Variants in CDH6 observed in about 807,000 individuals in gnomAD.
CDH6 encodes cadherin 6, also known as cadherin-6.
Under a neutral mutation model 78.0 loss-of-function variants are expected in CDH6, and 31 were observed. That is an observed-to-expected ratio of 0.40 (90% CI 0.30 to 0.54). The LOEUF is 0.54. CDH6 is among the 20% of genes least tolerant of loss of function. CDH6 has a pLI of 0.56. For missense variants in CDH6, 724 were observed against 975.9 expected (o/e 0.74, Z 3.44); for synonymous variants, 376 against 368.8 (o/e 1.02, Z -0.23).
At chr5:31,205,895 T>A (rs908398060) in intron 1 of CDH6, among the ~76,000 whole-genome samples, 1 of 152,210 alleles carries the variant, frequency 6.6e-6, no homozygotes, top group Non-Finnish European at 1.5e-5. Context: ...ATTCTAAATA[T>A]CTTACATGAG....
At chr5:31,296,213 T>G (rs1318875464) in intron 3 of CDH6, among the ~76,000 whole-genome samples, 1 of 152,198 alleles carries the variant, frequency 6.6e-6, no homozygotes, top group Non-Finnish European at 1.5e-5. Context: ...AGCAGTATGC[T>G]TACTGGTTAT....
intron 1 of CDH6, among the ~76,000 whole-genome samples, chr5:31,227,793 G>A (rs552081593): frequency 6.6e-6 from 1 of 152,164 alleles, no homozygotes; most frequent in Non-Finnish European, 1.5e-5. Flanking sequence ...ACCTCCTGAG[G>A]GAACGGACCC....
In CDH6 at chr5:31,286,603, C is replaced by T. The variant is rs564178429; in HGVS notation, c.229-7359C>T. ...AGCCAAAGAGAGGAGGAGCAGAGGC[C>T]GTGCCGGGCTTTGGAGGCCATGCGA... is the stretch of plus-strand genomic sequence containing the variant. On this transcript the variant is annotated intron_variant, in intron 2 of 11. Transcript: ENST00000265071. Among the ~76,000 whole-genome samples, 34 of 152,206 alleles carry T rather than the reference C, an allele frequency of 2.2e-4. 1 individual carries two copies. In the South Asian group the frequency reaches 4.8e-3, roughly 21 times the overall value.
chr5:31,194,601 A>G (rs1044228355), intron 1 of CDH6, among the ~76,000 whole-genome samples: 2 of 152,172 alleles, frequency 1.3e-5, no homozygotes, highest in African/African-American at 4.8e-5. Context: ...AAAATGGAGC[A>G]CACTGTCCAG....
intron 5 of CDH6, among the ~76,000 whole-genome samples, chr5:31,300,956 A>G (rs1332473558): frequency 6.6e-6 from 1 of 151,760 alleles, no homozygotes; most frequent in East Asian, 1.9e-4. Context: ...CCCTGTGTCT[A>G]CAACAAGTAA....
At chr5:31,238,443 A>C (rs909953881) in intron 1 of CDH6, among the ~76,000 whole-genome samples, 1 of 152,180 alleles carries the variant, frequency 6.6e-6, no homozygotes, top group African/African-American at 2.4e-5. Context: ...TCTACTTTCC[A>C]TGGAGCTATC....
intron 2 of CDH6, among the ~76,000 whole-genome samples, chr5:31,267,942 G>C (rs139937180): frequency 1.3e-5 from 2 of 152,030 alleles, no homozygotes; most frequent in African/African-American, 4.8e-5. Flanking sequence ...ACAACCATCC[G>C]CATAGGATTA....
At chr5:31,321,232 G>A (rs923492509) in intron 11 of CDH6, among the ~76,000 whole-genome samples, 7 of 133,484 alleles carry the variant, frequency 5.2e-5, no homozygotes, top group East Asian at 2.5e-4. Context: ...TATCAAATGC[G>A]TGAATGAATA....
chr5:31,236,867 T>C (rs1561036232), intron 1 of CDH6, among the ~76,000 whole-genome samples: 1 of 152,160 alleles, frequency 6.6e-6, no homozygotes, highest in Admixed American at 6.5e-5. Flanking sequence ...CTGTCTTTCA[T>C]CACAATTACT....
chr5:31,236,862 T>C (rs1396928777), intron 1 of CDH6, among the ~76,000 whole-genome samples: 2 of 152,172 alleles, frequency 1.3e-5, no homozygotes, highest in Non-Finnish European at 1.5e-5. Context: ...TCTAACTGTC[T>C]TTCATCACAA....
At chr5:31,311,532 A>C (rs747199061) in intron 7 of CDH6, among the ~76,000 whole-genome samples, 10 of 152,198 alleles carry the variant, frequency 6.6e-5, no homozygotes, top group Non-Finnish European at 1.0e-4. Context: ...TCTTTATAGC[A>C]GTCCCCCACT....
Position 31,323,214 on chromosome 5 carries a change from C to T in CDH6, c.2279C>T (p.Ala760Val). 1 of 1,614,168 alleles carries T rather than the reference C, an allele frequency of 6.2e-7. No homozygotes were observed. The highest frequency in any genetic ancestry group is 8.5e-7 in the Non-Finnish European group (1 of 1,180,012). Residue 760 changes from alanine (A) to valine (V), a missense_variant, in exon 12 of 12, where the codon GCA becomes GTA. Around this residue, in one of 3 missense-constraint regions of CDH6, gnomAD observed 220 missense variants for 240.6 expected, o/e 0.91. Transcript: ENST00000265071. ...LSSLESVTTD[A>V]DQDYDYLSDW... ...TCGCTGGAGTCAGTGACCACGGATG[C>T]AGATCAAGACTATGATTACCTTAGT...
intron 7 of CDH6, among the ~76,000 whole-genome samples, chr5:31,308,699 A>G (rs1738063618): frequency 6.6e-6 from 1 of 152,132 alleles, no homozygotes; most frequent in Non-Finnish European, 1.5e-5. Flanking sequence ...CCTATTTCCT[A>G]AATAGTTACT....
At position 31,294,284 on chromosome 5, in the gene CDH6, G is replaced by C; in HGVS notation, c.523+28G>C. 1 of 1,591,442 alleles carries C rather than the reference G, an allele frequency of 6.3e-7. No homozygotes were observed. Among genetic ancestry groups the C allele is most frequent in the Non-Finnish European group, 8.6e-7 (1 of 1,168,364 alleles). On this transcript the variant is annotated intron_variant, in intron 3 of 11. Transcript: ENST00000265071. The surrounding 1 kb of genome is among the most constrained non-coding windows in gnomAD (Gnocchi z 4.1). Reference sequence around the variant, plus strand: ...GAGTGAGACGTGACTTCAGCCAAAAGCTGGCTTTCCCCTAGTGCATCCACT... The same window carrying C: ...GAGTGAGACGTGACTTCAGCCAAAACCTGGCTTTCCCCTAGTGCATCCACT...
At chr5:31,292,848 TGTGC>T (rs1349358046) in intron 2 of CDH6, among the ~76,000 whole-genome samples, 2 of 14,220 alleles carry the variant, frequency 1.4e-4, no homozygotes, top group African/African-American at 2.0e-3. Flanking sequence ...TATATATATG[TGTGC>T]ATATATATAT....
chr5:31,243,781 T>C (rs1320147862), intron 1 of CDH6, among the ~76,000 whole-genome samples: 1 of 152,220 alleles, frequency 6.6e-6, no homozygotes, highest in Admixed American at 6.5e-5. Flanking sequence ...GAGTCCCTGC[T>C]ACTTTCTTTA....
At chr5:31,242,128 T>C (rs192016334) in intron 1 of CDH6, among the ~76,000 whole-genome samples, 1 of 152,212 alleles carries the variant, frequency 6.6e-6, no homozygotes, top group Non-Finnish European at 1.5e-5. Flanking sequence ...ATGGACCCAT[T>C]GTTATGTCCC....
At chr5:31,272,409 G>C (rs1742552909) in intron 2 of CDH6, among the ~76,000 whole-genome samples, 2 of 152,086 alleles carry the variant, frequency 1.3e-5, no homozygotes, top group African/African-American at 4.8e-5. Flanking sequence ...AAAATAGAGG[G>C]AAGCCTTATA....
At chr5:31,322,037 A>T (rs919706843) in intron 11 of CDH6, among the ~76,000 whole-genome samples, 1 of 152,222 alleles carries the variant, frequency 6.6e-6, no homozygotes, top group Non-Finnish European at 1.5e-5. Flanking sequence ...GGAGGGAAAA[A>T]ATCAAAAGAA....
Sources: gnomAD v4.1 joint callset for allele counts (sites outside exome capture counted in the v4.1 genomes callset) on GRCh38, gnomAD v4.1.1 for gene constraint, gnomAD v4.1.1 regional missense constraint, Gnocchi (gnomAD v3.1) non-coding constraint, MANE v1.5 for transcripts, NCBI Gene and HGNC (gene_info 2026-07-23, HGNC 2026-07-21) for gene names.